Variants in NAIP observed in about 807,000 individuals in gnomAD.
The protein encoded by NAIP is baculoviral IAP repeat-containing protein 1.
A neutral mutation model predicts 23.0 loss-of-function variants in NAIP; 15 were observed. That is an observed-to-expected ratio of 0.65 (90% CI 0.44 to 1.00). The LOEUF (loss-of-function observed/expected upper bound fraction) is 1.00, where lower values mean the gene tolerates loss of function less well. Ranked by LOEUF, NAIP falls within the 50% of genes least tolerant of loss-of-function variation. The pLI is 0.00. For synonymous variants in NAIP, 100 were observed against 100.2 expected (o/e 1.00, Z 0.01); for missense variants, 265 against 278.8 (o/e 0.95, Z 0.35).
chr5:71,011,663 C>T, intron 4 of NAIP: 1 of 485,262 alleles, frequency 2.1e-6, no homozygotes, highest in Non-Finnish European at 3.7e-6. Context: ...GATAGGGAAG[C>T]CGACTAACAC....
intron 4 of NAIP, chr5:71,011,757 C>T (rs1484385464): frequency 2.2e-6 from 1 of 444,868 alleles, no homozygotes; most frequent in Non-Finnish European, 4.4e-6. Flanking sequence ...AGGCATGTTT[C>T]TTAAAGTCTC....
At chr5:71,013,639 TAAA>T (rs35296500) in intron 3 of NAIP, among the ~76,000 whole-genome samples, 41 of 123,812 alleles carry the variant, frequency 3.3e-4, no homozygotes, top group Admixed American at 4.1e-4. Context: ...GACTCCGTCT[TAAA>T]AAAAAAAAAA....
chr5:71,012,684 G>A lies in NAIP; in HGVS notation c.232C>T (p.Pro78Ser). 5 of 1,611,792 alleles carry A rather than the reference G, an allele frequency of 3.1e-6. No individual in the cohort carries two copies. The highest frequency in any genetic ancestry group is 4.2e-6 in the Non-Finnish European group (5 of 1,178,406). ...AACCCAGCGGCCGCCATCTCCTGTGGTATCCATGAGCTGTACGGCTCATAA... is the reference window on the plus strand; with the variant it reads ...AACCCAGCGGCCGCCATCTCCTGTGATATCCATGAGCTGTACGGCTCATAA... ...VTYEPYSSWIPQEMAAAGFYF... is the reference protein window; with the variant it reads ...VTYEPYSSWISQEMAAAGFYF... The change falls in exon 4 of 17, where the codon CCA becomes TCA. Residue 78 changes from proline (P) to serine (S), a missense_variant. Coordinates refer to ENST00000517649, the MANE Select transcript of NAIP (RefSeq NM_004536.3).
chr5:71,008,119 G>T (rs1456006072), intron 5 of NAIP, among the ~76,000 whole-genome samples: 2 of 139,132 alleles, frequency 1.4e-5, no homozygotes, highest in Non-Finnish European at 3.2e-5. Context: ...GACCAGGCTG[G>T]AGTGCAGTGG....
At chr5:71,002,007 G>GC (rs1750797097) in intron 7 of NAIP, 85 bp downstream of exon 7, 3 of 453,312 alleles carry the variant, frequency 6.6e-6, no homozygotes, top group Middle Eastern at 5.4e-4. Context: ...GGGCGGGGCG[G>GC]GGGGGACGAC....
chr5:71,011,712 G>A (rs184617509), intron 4 of NAIP: 28 of 450,486 alleles, frequency 6.2e-5, no homozygotes, highest in African/African-American at 2.0e-4. Flanking sequence ...GAAAACCTAC[G>A]TTTTAGCCTT....
At position 71,012,549 on chromosome 5, in the gene NAIP, C is replaced by A. The variant is rs746485811; in HGVS notation, c.367G>T (p.Asp123Tyr). The A allele has an allele frequency of 1.2e-6, 2 of 1,611,698 alleles. No homozygotes were observed. The highest frequency in any genetic ancestry group is 1.1e-5 in the South Asian group (1 of 90,962). Reference protein sequence around the residue: ...PIEDHKRFHPDCGFLLNKDVG... With the variant: ...PIEDHKRFHPYCGFLLNKDVG... Reference sequence around the variant, plus strand: ...TCCTTGTTCAAAAGGAACCCACAATCTGGATGAAACCTCTTGTGGTCTTCT... The same window carrying A: ...TCCTTGTTCAAAAGGAACCCACAATATGGATGAAACCTCTTGTGGTCTTCT... Residue 123 changes from aspartate (D) to tyrosine (Y), a missense_variant, in exon 4 of 17, where the codon GAT becomes TAT. By Grantham distance (160) the Asp-to-Tyr change is radical. Coordinates refer to ENST00000517649, the MANE Select transcript of NAIP (RefSeq NM_004536.3).
Position 71,012,696 on chromosome 5 carries a change from T to C in NAIP, c.220A>G (p.Ser74Gly). The change falls in exon 4 of 17, where the codon AGC (serine) becomes GGC (glycine). Residue 74 changes from serine to glycine, a missense_variant. Coordinates refer to ENST00000517649, the MANE Select transcript of NAIP (RefSeq NM_004536.3). ...GCCATCTCCTGTGGTATCCATGAGC[T>C]GTACGGCTCATAAGTCACAAAAGTC... is the stretch of plus-strand genomic sequence containing the variant. ...LKTFVTYEPY[S>G]SWIPQEMAAA... 6.2e-7 allele frequency: 1 copy of C among 1,611,760 alleles called. No homozygotes were observed. The highest frequency in any genetic ancestry group is 8.5e-7 in the Non-Finnish European group (1 of 1,178,346).
At chr5:71,011,937 GACAA>G (rs1561517326) in intron 4 of NAIP, among the ~76,000 whole-genome samples, 2 of 151,438 alleles carry the variant, frequency 1.3e-5, no homozygotes, top group Admixed American at 6.6e-5. Context: ...GCGGGGCTAG[GACAA>G]ACAAACAAAA....
intron 8 of NAIP, among the ~76,000 whole-genome samples, chr5:70,999,970 CA>C (rs1165770806): frequency 4.3e-5 from 1 of 23,460 alleles, no homozygotes; most frequent in Non-Finnish European, 7.0e-5. Flanking sequence ...GGAGAAATGG[CA>C]AACACTCTTT....
chr5:71,017,585 G>C (rs1443327054), intron 3 of NAIP, among the ~76,000 whole-genome samples: 1 of 89,026 alleles, frequency 1.1e-5, no homozygotes, highest in Non-Finnish European at 3.0e-5. Flanking sequence ...TGTTCACCCA[G>C]GCTGGAGTGC....
chr5:71,013,424 G>T (rs1476649913), intron 3 of NAIP, among the ~76,000 whole-genome samples: 1 of 150,748 alleles, frequency 6.6e-6, no homozygotes, highest in Non-Finnish European at 1.5e-5. Flanking sequence ...GGATCACGAG[G>T]TCAGGAGATG....
chr5:71,015,230 T>A (rs1335422450), intron 3 of NAIP, among the ~76,000 whole-genome samples: 1 of 151,438 alleles, frequency 6.6e-6, no homozygotes, highest in African/African-American at 2.4e-5. Context: ...ATTTTAAAAA[T>A]TAGCCAGATG....
intron 5 of NAIP, among the ~76,000 whole-genome samples, chr5:71,007,224 ACT>A (rs1356381307): frequency 1.2e-5 from 1 of 81,436 alleles, no homozygotes; most frequent in Admixed American, 1.4e-4. Context: ...TATATGGTGC[ACT>A]GTCAGCATGG....
Position 71,012,815 on chromosome 5 carries a change from A to G in NAIP, c.101T>C (p.Leu34Ser), listed in dbSNP as rs1012950520. ...CTCCTCTTCTTCTAGTTCCTTTGCC[A>G]ACTGAACTGCATCTAGGCCCAGAAG... ...SALLGLDAVQ[L>S]AKELEEEEQK... The change falls in exon 4 of 17, where the codon TTG (leucine) becomes TCG (serine). Residue 34 changes from leucine to serine, a missense_variant. By Grantham distance (145) the Leu-to-Ser change is moderately radical (BLOSUM62 -2). This residue lies in a region of NAIP where 261 missense variants were observed against 259.2 expected (regional missense o/e 1.01). Transcript: ENST00000517649. The G allele has an allele frequency of 1.9e-6, 3 of 1,611,928 alleles. No homozygotes were observed. The highest frequency in any genetic ancestry group is 2.7e-5 in the African/African-American group (2 of 74,852).
intron 4 of NAIP, chr5:71,011,737 G>A: frequency 2.3e-6 from 1 of 443,052 alleles, no homozygotes; most frequent in Non-Finnish European, 4.3e-6. Flanking sequence ...TGACATTTCG[G>A]TAGAAACATA....
chr5:71,012,940 G>A (rs1249764481), intron 3 of NAIP, 22 bp from the exon 4 acceptor site: 1 of 1,538,808 alleles, frequency 6.5e-7, no homozygotes, highest in African/African-American at 1.4e-5. Flanking sequence ...AATAAAGCAG[G>A]TTGATCCCTT....
chr5:71,012,722 T>G lies in NAIP; in HGVS notation c.194A>C (p.Lys65Thr), dbSNP rs751510863. The G allele has an allele frequency of 6.2e-7, 1 of 1,611,834 alleles. No individual in the cohort carries two copies. The highest frequency in any genetic ancestry group is 8.5e-7 in the Non-Finnish European group (1 of 1,178,466). ...SQMRSEAKRLKTFVTYEPYSS... is the reference protein window; with the variant it reads ...SQMRSEAKRLTTFVTYEPYSS... Reference sequence around the variant, plus strand: ...GTACGGCTCATAAGTCACAAAAGTCTTTAACCTTTTTGCTTCACTGCGCAT... The same window carrying G: ...GTACGGCTCATAAGTCACAAAAGTCGTTAACCTTTTTGCTTCACTGCGCAT... Residue 65 changes from lysine (K) to threonine (T), a missense_variant, in exon 4 of 17, where the codon AAG becomes ACG. Lys to Thr is a moderately conservative substitution (Grantham distance 78). Transcript: ENST00000517649.
In NAIP at chr5:71,009,243, C is replaced by T. The variant is rs529435861; in HGVS notation, c.668+2032G>A. ...GTAGGCACCTGTGGTCCCAGCTACT[C>T]AGGACGCTGAGGTGGGAGGATTGCT... is the stretch of plus-strand genomic sequence containing the variant. On this transcript the variant is annotated intron_variant, in intron 5 of 16. Coordinates refer to ENST00000517649, the MANE Select transcript of NAIP (RefSeq NM_004536.3). Among the ~76,000 whole-genome samples the T allele has an allele frequency of 1.2e-4, 18 of 144,500 alleles. No homozygotes were observed. In the East Asian group the frequency reaches 3.5e-3, roughly 28 times the overall value. The allele number at this position is 144,500 out of a possible 152,430, so 94.8% of individuals were successfully genotyped here. A position where few individuals can be genotyped will look rare whatever the true frequency, so the allele number is the denominator to read the frequency against.
Sources: gnomAD v4.1 joint callset for allele counts (sites outside exome capture counted in the v4.1 genomes callset) on GRCh38, gnomAD v4.1.1 for gene constraint, gnomAD v4.1.1 regional missense constraint, MANE v1.5 for transcripts, NCBI Gene and HGNC (gene_info 2026-07-23, HGNC 2026-07-21) for gene names.